LOC400499: variants seen among roughly 807,000 people sequenced by gnomAD.
the LOC400499 span, among the ~76,000 whole-genome samples, chr16:11,506,318 C>T: frequency 7.3e-4 from 111 of 152,352 alleles, 1 homozygote; most frequent in Non-Finnish European, 1.3e-3. Context: ...AGCCACTGAG[C>T]CTGGCCACAA....
chr16:11,427,070 G>C, the LOC400499 span, among the ~76,000 whole-genome samples: 1 of 150,076 alleles, frequency 6.7e-6, no homozygotes, highest in African/African-American at 2.5e-5. Context: ...ACATGAAGCA[G>C]TGCTTGGCCA....
chr16:11,522,086 C>T, the LOC400499 span: 2 of 397,566 alleles, frequency 5.0e-6, no homozygotes, highest in African/African-American at 4.2e-5. Context: ...TATCTGGTGC[C>T]CACAGGGAGG....
At chr16:11,446,869 TG>T in the LOC400499 span, 1 of 1,536,042 alleles carries the variant, frequency 6.5e-7, no homozygotes. Context: ...GAAGGTCTCC[TG>T]CAGGAGGAGG....
At chr16:11,508,079 G>C in the LOC400499 span, among the ~76,000 whole-genome samples, 1 of 152,178 alleles carries the variant, frequency 6.6e-6, no homozygotes, top group Non-Finnish European at 1.5e-5. Flanking sequence ...GATCATTCTA[G>C]ATTATCTGGA....
At chr16:11,526,308 T>C in the LOC400499 span, among the ~76,000 whole-genome samples, 1 of 152,216 alleles carries the variant, frequency 6.6e-6, no homozygotes, top group Non-Finnish European at 1.5e-5. Context: ...CAGTGGCTCA[T>C]GCCTGTAATC....
the LOC400499 span, among the ~76,000 whole-genome samples, chr16:11,519,572 A>G: frequency 1.3e-5 from 2 of 152,096 alleles, no homozygotes; most frequent in African/African-American, 4.8e-5. Context: ...CCCCATCTCT[A>G]TTTTTTAAAA....
At chr16:11,496,782 G>C in the LOC400499 span, among the ~76,000 whole-genome samples, 1 of 152,206 alleles carries the variant, frequency 6.6e-6, no homozygotes. Context: ...CACTGGGTGA[G>C]TGTCCTACTG....
the LOC400499 span, among the ~76,000 whole-genome samples, chr16:11,375,700 T>G: frequency 6.6e-6 from 1 of 151,568 alleles, no homozygotes; most frequent in South Asian, 2.1e-4. Flanking sequence ...GCATATCTTA[T>G]TTGGAGAAAT....
the LOC400499 span, among the ~76,000 whole-genome samples, chr16:11,458,771 C>T: frequency 6.6e-6 from 1 of 151,984 alleles, no homozygotes; most frequent in African/African-American, 2.4e-5. Flanking sequence ...TGTGGTGGCT[C>T]ATGCCTGTAA....
the LOC400499 span, among the ~76,000 whole-genome samples, chr16:11,373,127 T>G: frequency 1.3e-5 from 2 of 152,162 alleles, no homozygotes; most frequent in African/African-American, 4.8e-5. Context: ...TCAGGATGCA[T>G]CCAACCCAAA....
At chr16:11,521,369 G>A in the LOC400499 span, among the ~76,000 whole-genome samples, 1 of 152,178 alleles carries the variant, frequency 6.6e-6, no homozygotes, top group South Asian at 2.1e-4. Context: ...CTGCTTGCAA[G>A]AACATTGAGG....
chr16:11,478,369 T>G, the LOC400499 span, among the ~76,000 whole-genome samples: 1 of 152,068 alleles, frequency 6.6e-6, no homozygotes, highest in Non-Finnish European at 1.5e-5. Flanking sequence ...ATTTCACAGA[T>G]GCAGAAACTA....
chr16:11,449,846 G>A, the LOC400499 span, among the ~76,000 whole-genome samples: 1 of 152,190 alleles, frequency 6.6e-6, no homozygotes, highest in Non-Finnish European at 1.5e-5. Context: ...TAGTCCATCA[G>A]CAAATCTGGC....
chr16:11,464,182 G>A, the LOC400499 span, among the ~76,000 whole-genome samples: 37 of 132,490 alleles, frequency 2.8e-4, no homozygotes, highest in East Asian at 8.0e-3. Context: ...TATGTCATAT[G>A]TGTATGGATG....
the LOC400499 span, chr16:11,485,074 C>A: frequency 2.5e-6 from 1 of 398,990 alleles, no homozygotes; most frequent in Non-Finnish European, 4.4e-6. Flanking sequence ...GGAGCCCAAG[C>A]TGGGAAGGGA....
At chr16:11,476,933 T>C in the LOC400499 span, 1 of 398,956 alleles carries the variant, frequency 2.5e-6, no homozygotes, top group Non-Finnish European at 4.4e-6. Context: ...TGAGCTGAGA[T>C]CTGGAGCAGG....
At chr16:11,406,818 A>C in the LOC400499 span, among the ~76,000 whole-genome samples, 4 of 152,184 alleles carry the variant, frequency 2.6e-5, no homozygotes, top group South Asian at 8.3e-4. Context: ...CTGGCCACCT[A>C]ATCTAAATAA....
chr16:11,373,098 C>T, the LOC400499 span, among the ~76,000 whole-genome samples: 1 of 152,222 alleles, frequency 6.6e-6, no homozygotes, highest in Non-Finnish European at 1.5e-5. Flanking sequence ...GGAACCTTAG[C>T]ACACGATGCT....
the LOC400499 span, among the ~76,000 whole-genome samples, chr16:11,429,613 A>G: frequency 6.6e-6 from 1 of 152,088 alleles, no homozygotes; most frequent in Non-Finnish European, 1.5e-5. Context: ...AGCTGGGACT[A>G]CAGGCGTGTA....
Sources: allele counts gnomAD v4.1 joint callset (sites outside exome capture counted in the v4.1 genomes callset), GRCh38; gene constraint gnomAD v4.1.1; transcripts MANE v1.5.